TAS2R4: variants seen among roughly 807,000 people sequenced by gnomAD.
TAS2R4 encodes the protein taste receptor type 2 member 4.
A neutral mutation model predicts 14.3 loss-of-function variants in TAS2R4; 18 were observed. The ratio of observed to expected loss-of-function variants is 1.26; its 90% CI spans 0.87 to 1.86. The LOEUF is 1.86. Among genes scored for constraint, TAS2R4 ranks in the 40% most tolerant of loss-of-function variants. The probability of loss-of-function intolerance (pLI) is 0.00; values close to 1 mark genes in which losing one functional copy is unlikely to be tolerated. For missense variants in TAS2R4, 306 were observed against 342.7 expected (o/e 0.89, Z 0.85); for synonymous variants, 130 against 138.5 (o/e 0.94, Z 0.43).
rs961311555 is a variant in TAS2R4 at position 141,781,161 on chromosome 7, C to T, written c.*1773C>T. Among the ~76,000 whole-genome samples, 1 of 152,126 alleles carries T rather than the reference C, an allele frequency of 6.6e-6. No homozygotes were observed. The highest frequency in any genetic ancestry group is 1.9e-4 in the East Asian group (1 of 5,190). On this transcript the variant is annotated 3_prime_UTR_variant, in exon 1 of 1. Coordinates refer to ENST00000247881, the MANE Select transcript of TAS2R4 (RefSeq NM_016944.2). Reference sequence around the variant, plus strand: ...GGGTGGTACTTCGGAGCAGTCCTACCTTCCCTTCTTTAATCTTTTCTTTGT... The same window carrying T: ...GGGTGGTACTTCGGAGCAGTCCTACTTTCCCTTCTTTAATCTTTTCTTTGT...
rs1218752518 is a variant in TAS2R4, at chr7:141,781,094, T to C, written c.*1706T>C. ...TTCAGAATTTTGGCAGCAAATTCCA[T>C]TATTGCCATGTATGTGAGCAGAAAA... On this transcript the variant is annotated 3_prime_UTR_variant, in exon 1 of 1. Coordinates refer to ENST00000247881, the MANE Select transcript of TAS2R4 (RefSeq NM_016944.2). 2.6e-5 allele frequency among the ~76,000 whole-genome samples: 4 copies of C among 152,174 alleles called. No homozygotes were observed. Among genetic ancestry groups the C allele is most frequent in the Non-Finnish European group, 5.9e-5 (4 of 68,026 alleles).
chr7:141,778,920 T>C lies in TAS2R4; in HGVS notation c.432T>C (p.Thr144=). Residue 144 remains threonine (T), a synonymous_variant, in exon 1 of 1, where the codon ACT becomes ACC. Transcript: ENST00000247881. ...LACVLISAFT[T]CLYITLSQAS... is the part of the protein sequence containing the mutation. The stretch of plus-strand genomic sequence containing the variant: ...GTGTGCTGATTTCTGCTTTCACCAC[T>C]TGCCTGTACATCACGCTTAGCCAGG... 1 of 1,614,218 alleles carries C rather than the reference T, an allele frequency of 6.2e-7. No homozygotes were observed. Among genetic ancestry groups the C allele is most frequent in the Non-Finnish European group, 8.5e-7 (1 of 1,180,042 alleles).
rs1001548850 is a variant in TAS2R4 at position 141,778,131 on chromosome 7, C to T, written c.-358C>T. 6.6e-6 allele frequency among the ~76,000 whole-genome samples: 1 copy of T among 152,168 alleles called. No homozygotes were observed. The highest frequency in any genetic ancestry group is 1.9e-4 in the East Asian group (1 of 5,192). ...CTTTACCGTAAAACATTGACAGAAA[C>T]ATTGCTGGACTCAAGCTCTCTGGTT... On this transcript the variant is annotated 5_prime_UTR_variant, in exon 1 of 1. Coordinates refer to ENST00000247881, the MANE Select transcript of TAS2R4 (RefSeq NM_016944.2).
rs760015802 is a variant in TAS2R4, at chr7:141,779,071, T to C, written c.583T>C (p.Ser195Pro). The change falls in exon 1 of 1, where the codon TCT becomes CCT. Residue 195 changes from serine (S) to proline (P), a missense_variant. Ser to Pro is a moderately conservative substitution (Grantham distance 74, BLOSUM62 -1). Transcript: ENST00000247881. ...SSLQFIINVT[S>P]ASLLIHSLRR... Reference sequence around the variant, plus strand: ...TCTCCAGTTCATCATTAATGTGACTTCTGCTTCCTTGCTAATACACTCCTT... The same window carrying C: ...TCTCCAGTTCATCATTAATGTGACTCCTGCTTCCTTGCTAATACACTCCTT... 6.2e-7 allele frequency: 1 copy of C among 1,614,240 alleles called. No individual in the cohort carries two copies. The highest frequency in any genetic ancestry group is 8.5e-7 in the Non-Finnish European group (1 of 1,180,040).
In TAS2R4 at chr7:141,779,368, ATTCTTTGTTTC is replaced by A; in HGVS notation, c.881_891del (p.Ile294LysfsTer8). ...TAAACTGAAAACAACAGCAAAGAAG[ATTCTTTGTTTC>A]AAAAAATAGTGGAATTTCAGTAAAC... is the stretch of plus-strand genomic sequence containing the variant. On this transcript the variant is annotated frameshift_variant, in exon 1 of 1. Transcript: ENST00000247881. LOFTEE classifies it high-confidence loss of function. 6.3e-7 allele frequency: 1 copy of A among 1,597,014 alleles called. No individual in the cohort carries two copies. Among genetic ancestry groups the A allele is most frequent in the Admixed American group, 1.7e-5 (1 of 58,006 alleles).
rs577861254 is a variant in TAS2R4, at chr7:141,777,117, C to G, written c.-1372C>G. Among the ~76,000 whole-genome samples the G allele has an allele frequency of 2.0e-5, 3 of 152,300 alleles. No homozygotes were observed. The highest frequency in any genetic ancestry group is 6.5e-5 in the Admixed American group (1 of 15,302). On this transcript the variant is annotated 5_prime_UTR_variant, in exon 1 of 1. The change creates a new upstream start codon in the 5' untranslated region. Coordinates refer to ENST00000247881, the MANE Select transcript of TAS2R4 (RefSeq NM_016944.2). ...CATCTATGGATAAGTAATTGGAAAT[C>G]TGTGCTATAATTTTCCTTTTAGTCA...
chr7:141,777,830 A>G lies in TAS2R4; in HGVS notation c.-659A>G, dbSNP rs1800262627. On this transcript the variant is annotated 5_prime_UTR_variant, in exon 1 of 1. Transcript: ENST00000247881. ...TAGAGAAGGCAAAGCAAAGGGCATC[A>G]GAAAGAATGGGATTAATTGAGAAAG... is the stretch of plus-strand genomic sequence containing the variant. Among the ~76,000 whole-genome samples, 1 of 152,236 alleles carries G rather than the reference A, an allele frequency of 6.6e-6. No individual in the cohort carries two copies. The highest frequency in any genetic ancestry group is 1.5e-5 in the Non-Finnish European group (1 of 68,036).
chr7:141,780,154 G>T lies in TAS2R4; in HGVS notation c.*766G>T, dbSNP rs1432521127. 1 of 152,486 alleles carries T rather than the reference G, an allele frequency of 6.6e-6. No individual in the cohort carries two copies. Among genetic ancestry groups the T allele is most frequent in the Non-Finnish European group, 1.5e-5 (1 of 68,296 alleles). 9.4% of individuals were successfully genotyped at this position (152,486 alleles called of 1,614,324 possible). A position where few individuals can be genotyped will look rare whatever the true frequency, so the allele number is the denominator to read the frequency against. ...ACCCAGGAGGCGGAGCTTGCAGTGA[G>T]ATGAGATCGCGCCACTGCACTCCAG... On this transcript the variant is annotated 3_prime_UTR_variant, in exon 1 of 1. Transcript: ENST00000247881.
At position 141,778,973 on chromosome 7, in the gene TAS2R4, C is replaced by A. The variant is rs777861259; in HGVS notation, c.485C>A (p.Thr162Lys). ...TCACCTTTTCCTGAACTTGTGACTACGAGAAATAACACATCATTTAATATC... is the reference window on the plus strand; with the variant it reads ...TCACCTTTTCCTGAACTTGTGACTAAGAGAAATAACACATCATTTAATATC... ...QASPFPELVTTRNNTSFNISE... is the reference protein window; with the variant it reads ...QASPFPELVTKRNNTSFNISE... The change falls in exon 1 of 1, where the codon ACG (threonine) becomes AAG (lysine). Residue 162 changes from threonine to lysine, a missense_variant. Transcript: ENST00000247881. 1 of 1,614,092 alleles carries A rather than the reference C, an allele frequency of 6.2e-7. No homozygotes were observed. Among genetic ancestry groups the A allele is most frequent in the African/African-American group, 1.3e-5 (1 of 74,924 alleles).
In TAS2R4 at chr7:141,780,882, C is replaced by A. The variant is rs189979647; in HGVS notation, c.*1494C>A. The A allele has an allele frequency of 1.1e-3, 171 of 152,104 alleles. 1 individual carries two copies. The highest frequency in any genetic ancestry group is 3.9e-3 in the African/African-American group (163 of 41,502). The allele number at this position is 152,104 out of a possible 1,614,324, so 9.4% of individuals were successfully genotyped here. On this transcript the variant is annotated 3_prime_UTR_variant, in exon 1 of 1. Transcript: ENST00000247881. ...CAATATTCAGTAAAAATTACCCAAGCCAATATTTTGTGCTATGAAACCTGG... is the reference window on the plus strand; with the variant it reads ...CAATATTCAGTAAAAATTACCCAAGACAATATTTTGTGCTATGAAACCTGG...
chr7:141,778,914 C>G lies in TAS2R4; in HGVS notation c.426C>G (p.Phe142Leu), dbSNP rs1800282629. ...LLLACVLISA[F>L]TTCLYITLSQ... is the part of the protein sequence containing the mutation. Reference sequence around the variant, plus strand: ...TGGCCTGTGTGCTGATTTCTGCTTTCACCACTTGCCTGTACATCACGCTTA... The same window carrying G: ...TGGCCTGTGTGCTGATTTCTGCTTTGACCACTTGCCTGTACATCACGCTTA... The change falls in exon 1 of 1, where the codon TTC (phenylalanine) becomes TTG (leucine). Residue 142 changes from phenylalanine to leucine, a missense_variant. Physicochemically the swap from Phe to Leu is conservative, Grantham distance 22. Transcript: ENST00000247881. 1 of 1,614,112 alleles carries G rather than the reference C, an allele frequency of 6.2e-7. No individual in the cohort carries two copies. The highest frequency in any genetic ancestry group is 1.3e-5 in the African/African-American group (1 of 74,930).
Position 141,778,662 on chromosome 7 carries a change from G to A in TAS2R4, c.174G>A (p.Met58Ile). 1 of 1,614,184 alleles carries A rather than the reference G, an allele frequency of 6.2e-7. No homozygotes were observed. The highest frequency in any genetic ancestry group is 1.1e-5 in the South Asian group (1 of 91,080). The change falls in exon 1 of 1, where the codon ATG becomes ATA. Residue 58 changes from methionine to isoleucine, a missense_variant. Physicochemically the swap from Met to Ile is conservative, Grantham distance 10 (BLOSUM62 1). Transcript: ENST00000247881. ...LFSLGITRFL[M>I]LGLFLVNTIY... ...GCCTGGGCATCACCAGGTTTCTTAT[G>A]CTGGGACTATTTCTGGTGAACACCA...
Position 141,779,263 on chromosome 7 carries a change from A to G in TAS2R4, c.775A>G (p.Met259Val). The change falls in exon 1 of 1, where the codon ATG (methionine) becomes GTG (valine). Residue 259 changes from methionine (M) to valine (V), a missense_variant. Physicochemically the swap from Met to Val is conservative, Grantham distance 21. Coordinates refer to ENST00000247881, the MANE Select transcript of TAS2R4 (RefSeq NM_016944.2). ...QYLPFYAGMD[M>V]GTKSICLIFA... The stretch of plus-strand genomic sequence containing the variant: ...TCTCCCCTTTTATGCAGGGATGGAT[A>G]TGGGGACCAAATCCATTTGTCTGAT... The G allele has an allele frequency of 6.2e-7, 1 of 1,614,202 alleles. No individual in the cohort carries two copies.
rs1372207525 is a variant in TAS2R4 at position 141,778,194 on chromosome 7, C to G, written c.-295C>G. 2.0e-5 allele frequency among the ~76,000 whole-genome samples: 3 copies of G among 152,168 alleles called. No individual in the cohort carries two copies. Among genetic ancestry groups the G allele is most frequent in the African/African-American group, 4.8e-5 (2 of 41,438 alleles). Reference sequence around the variant, plus strand: ...TTTTGGAGCCTGCTGTGACTCTTCCCTCTCGCCCTCCTGCTCTTGGAGGAG... The same window carrying G: ...TTTTGGAGCCTGCTGTGACTCTTCCGTCTCGCCCTCCTGCTCTTGGAGGAG... On this transcript the variant is annotated 5_prime_UTR_variant, in exon 1 of 1. Transcript: ENST00000247881.
Position 141,777,688 on chromosome 7 carries a change from T to C in TAS2R4, c.-801T>C, listed in dbSNP as rs1800260608. ...AAATGCCTAAGAGAAAATAGCCACA[T>C]ATGATCTAAACATAAACCCAGATTT... On this transcript the variant is annotated 5_prime_UTR_variant, in exon 1 of 1. Transcript: ENST00000247881. 6.6e-6 allele frequency among the ~76,000 whole-genome samples: 1 copy of C among 152,210 alleles called. No homozygotes were observed. The highest frequency in any genetic ancestry group is 6.5e-5 in the Admixed American group (1 of 15,290).
chr7:141,778,408 A>G lies in TAS2R4; in HGVS notation c.-81A>G. The G allele has an allele frequency of 7.7e-7, 1 of 1,306,998 alleles. No individual in the cohort carries two copies. The highest frequency in any genetic ancestry group is 2.3e-5 in the Admixed American group (1 of 43,306). The allele number at this position is 1,306,998 out of a possible 1,614,324, so 81.0% of individuals were successfully genotyped here. On this transcript the variant is annotated 5_prime_UTR_variant, in exon 1 of 1. It adds an upstream start codon to the 5' untranslated region. Coordinates refer to ENST00000247881, the MANE Select transcript of TAS2R4 (RefSeq NM_016944.2). ...AAGGAGATGTCCTTCCTGGCTGGAT[A>G]CTGGTGTCTGCTTATACATTTTGGT...
rs933398881 is a variant in TAS2R4 at position 141,779,633 on chromosome 7, C to T, written c.*245C>T. On this transcript the variant is annotated 3_prime_UTR_variant, in exon 1 of 1. Transcript: ENST00000247881. ...ATTATTTGTCATGTATTTTGCATGG[C>T]CATTGAATCCATGTATAATGGAAAT... The T allele has an allele frequency of 2.4e-6, 1 of 409,368 alleles. No individual in the cohort carries two copies. Among genetic ancestry groups the T allele is most frequent in the Admixed American group, 4.1e-5 (1 of 24,592 alleles). 25.4% of individuals were successfully genotyped at this position (409,368 alleles called of 1,614,324 possible).
chr7:141,781,413 C>G lies in TAS2R4; in HGVS notation c.*2025C>G, dbSNP rs1800318741. Among the ~76,000 whole-genome samples, 1 of 152,186 alleles carries G rather than the reference C, an allele frequency of 6.6e-6. No individual in the cohort carries two copies. Among genetic ancestry groups the G allele is most frequent in the African/African-American group, 2.4e-5 (1 of 41,442 alleles). On this transcript the variant is annotated 3_prime_UTR_variant, in exon 1 of 1. Coordinates refer to ENST00000247881, the MANE Select transcript of TAS2R4 (RefSeq NM_016944.2). ...CTTTCAGGTGCTGGAGTTTTGGTCT[C>G]TGTTACCTTAGTCAAATAACCTATG...
Position 141,778,381 on chromosome 7 carries a change from A to G in TAS2R4, c.-108A>G. 7.4e-6 allele frequency: 8 copies of G among 1,082,294 alleles called. No homozygotes were observed. The highest frequency in any genetic ancestry group is 1.0e-5 in the Non-Finnish European group (8 of 764,776). The allele number at this position is 1,082,294 out of a possible 1,614,324, so 67.0% of individuals were successfully genotyped here. Reference sequence around the variant, plus strand: ...TCATTTGCCATGCTGGGAAAAATTAAAAAGGAGATGTCCTTCCTGGCTGGA... The same window carrying G: ...TCATTTGCCATGCTGGGAAAAATTAGAAAGGAGATGTCCTTCCTGGCTGGA... On this transcript the variant is annotated 5_prime_UTR_variant, in exon 1 of 1. Transcript: ENST00000247881.
Sources: gnomAD v4.1 joint callset for allele counts (sites outside exome capture counted in the v4.1 genomes callset) on GRCh38, gnomAD v4.1.1 for gene constraint, MANE v1.5 for transcripts, NCBI Gene and HGNC (gene_info 2026-07-23, HGNC 2026-07-21) for gene names.